Variants in MCC observed in about 807,000 individuals in gnomAD.
MCC encodes colorectal mutant cancer protein.
Under a neutral mutation model 116.2 loss-of-function variants are expected in MCC, and 90 were observed. The ratio of observed to expected loss-of-function variants is 0.77; its 90% CI spans 0.65 to 0.92. The LOEUF is 0.92. Ranked by LOEUF, MCC falls within the 40% of genes least tolerant of loss-of-function variation. The probability of loss-of-function intolerance (pLI) is 0.00; values close to 1 mark genes in which losing one functional copy is unlikely to be tolerated. For missense variants in MCC, 1,516 were observed against 1,312.2 expected (o/e 1.16, Z -2.40); for synonymous variants, 578 against 510.5 (o/e 1.13, Z -1.78).
At chr5:113,332,414 A>G (rs1297161543) in intron 3 of MCC, among the ~76,000 whole-genome samples, 1 of 151,454 alleles carries the variant, frequency 6.6e-6, no homozygotes, top group Non-Finnish European at 1.5e-5. Context: ...GGTGATTTAA[A>G]GAAGGATAGA....
intron 15 of MCC, among the ~76,000 whole-genome samples, chr5:113,052,250 A>G (rs1257855338): frequency 6.6e-6 from 1 of 152,224 alleles, no homozygotes; most frequent in Non-Finnish European, 1.5e-5. Context: ...TTTGGAACAA[A>G]TGATGGAAGG....
intron 2 of MCC, among the ~76,000 whole-genome samples, chr5:113,363,717 C>G (rs190535455): frequency 5.3e-5 from 8 of 152,302 alleles, no homozygotes; most frequent in Admixed American, 3.3e-4. Flanking sequence ...AATCTCATGT[C>G]CTTCTCACAT....
rs1580965475 is a variant in MCC, at chr5:113,064,048, C to A, written c.2149G>T (p.Ala717Ser). 6.2e-7 allele frequency: 1 copy of A among 1,614,204 alleles called. No homozygotes were observed. The highest frequency in any genetic ancestry group is 2.2e-5 in the East Asian group (1 of 44,888). Residue 717 changes from alanine (A) to serine (S), a missense_variant, in exon 14 of 19, where the codon GCC becomes TCC. By Grantham distance (99) the Ala-to-Ser change is moderately conservative. Transcript: ENST00000408903. The part of the protein sequence containing the change: ...LMKLDGSCGG[A>S]FAVAGCSVQP... ...ACGCTGCAGCCGGCCACGGCAAAGG[C>A]TCCCCCACAGCTGCCGTCCAGCTTC... is the stretch of plus-strand genomic sequence containing the variant.
chr5:113,380,676 T>C (rs1375430932), intron 2 of MCC, among the ~76,000 whole-genome samples: 2 of 152,224 alleles, frequency 1.3e-5, no homozygotes, highest in Non-Finnish European at 1.5e-5. Context: ...AGGAGGTACA[T>C]AACTCATGTC....
intron 5 of MCC, among the ~76,000 whole-genome samples, chr5:113,129,544 G>C (rs1345262103): frequency 1.3e-5 from 2 of 152,138 alleles, no homozygotes; most frequent in Non-Finnish European, 2.9e-5. Flanking sequence ...GCTCTTCCTG[G>C]CTTCCAGATG....
At chr5:113,193,398 A>G (rs147189012) in intron 3 of MCC, among the ~76,000 whole-genome samples, 1 of 152,276 alleles carries the variant, frequency 6.6e-6, no homozygotes, top group Non-Finnish European at 1.5e-5. Flanking sequence ...AGATGTTCTT[A>G]TTATATTAAG....
chr5:113,332,710 T>A lies in MCC; in HGVS notation c.627+7809A>T, dbSNP rs749611847. On this transcript the variant is annotated intron_variant, in intron 3 of 18. Transcript: ENST00000408903. Reference sequence around the variant, plus strand: ...ATAAAATATAACATTTGGGGTTACCTTCCATGCTGGGCAAAAGTAGTTTGT... The same window carrying A: ...ATAAAATATAACATTTGGGGTTACCATCCATGCTGGGCAAAAGTAGTTTGT... Among the ~76,000 whole-genome samples, 6 of 151,762 alleles carry A rather than the reference T, an allele frequency of 4.0e-5. 1 individual carries two copies.
At chr5:113,063,943 G>T in intron 14 of MCC, 41 bp downstream of exon 14, 1 of 1,574,864 alleles carries the variant, frequency 6.3e-7, no homozygotes, top group Non-Finnish European at 8.6e-7. Context: ...CAGATGCCAT[G>T]TGGACACACG....
intron 2 of MCC, among the ~76,000 whole-genome samples, chr5:113,379,404 A>T (rs979762912): frequency 1.3e-4 from 20 of 152,228 alleles, no homozygotes; most frequent in Non-Finnish European, 5.9e-5. Flanking sequence ...AGCTCTATGT[A>T]GGAACTTTAC....
At chr5:113,487,535 C>T (rs1045087934) in intron 1 of MCC, among the ~76,000 whole-genome samples, 11 of 152,210 alleles carry the variant, frequency 7.2e-5, no homozygotes, top group African/African-American at 7.2e-5. Context: ...AAGCAAACAC[C>T]CCAAAGTTTG....
intron 3 of MCC, among the ~76,000 whole-genome samples, chr5:113,220,247 G>C (rs1049582167): frequency 1.3e-5 from 2 of 150,832 alleles, no homozygotes; most frequent in African/African-American, 4.8e-5. Context: ...TTTTAGTAGA[G>C]ACAGGGTTTC....
At chr5:113,358,901 T>A (rs865877746) in intron 2 of MCC, among the ~76,000 whole-genome samples, 1 of 152,196 alleles carries the variant, frequency 6.6e-6, no homozygotes. Flanking sequence ...TGAGGGCCCC[T>A]AGCATCGTCC....
chr5:113,282,186 G>A (rs13164135), intron 3 of MCC, among the ~76,000 whole-genome samples: 22,843 of 152,134 alleles, frequency 0.15, 1,758 homozygotes, highest in Non-Finnish European at 0.17. Context: ...GAAGTGACTT[G>A]ACCCAGTGAA....
In MCC at chr5:113,027,365, C is replaced by T. The variant is rs1750622941; in HGVS notation, c.2997G>A (p.Lys999=). 1 of 1,614,190 alleles carries T rather than the reference C, an allele frequency of 6.2e-7. No individual in the cohort carries two copies. The highest frequency in any genetic ancestry group is 8.5e-7 in the Non-Finnish European group (1 of 1,180,036). Residue 999 remains lysine, a synonymous_variant, in exon 19 of 19, where the codon AAG becomes AAA. Coordinates refer to ENST00000408903, the MANE Select transcript of MCC (RefSeq NM_001085377.2). ...ERHETQVRML[K]QRIALLEEEN... is the part of the protein sequence containing the mutation. ...CCTCCTCTAGCAGAGCTATTCTTTG[C>T]TTGAGCATCCTCACTTGGGTCTCAT...
intron 1 of MCC, among the ~76,000 whole-genome samples, chr5:113,403,017 T>C (rs1303721742): frequency 9.9e-5 from 15 of 152,138 alleles, no homozygotes; most frequent in Admixed American, 9.8e-4. Flanking sequence ...TTGAACACTT[T>C]TATGCTTTCA....
intron 3 of MCC, among the ~76,000 whole-genome samples, chr5:113,225,936 G>A (rs1409786319): frequency 6.6e-6 from 1 of 152,244 alleles, no homozygotes; most frequent in African/African-American, 2.4e-5. Flanking sequence ...ACTTTGGAAG[G>A]CCAAGGCAGG....
At chr5:113,311,128 C>G (rs1031697714) in intron 3 of MCC, among the ~76,000 whole-genome samples, 1 of 152,144 alleles carries the variant, frequency 6.6e-6, no homozygotes, top group Admixed American at 6.5e-5. Context: ...AGACCTGTCT[C>G]TTAAAAATTA....
chr5:113,082,088 C>T (rs1010570501), intron 11 of MCC, among the ~76,000 whole-genome samples: 3 of 152,254 alleles, frequency 2.0e-5, no homozygotes, highest in African/African-American at 4.8e-5. Context: ...TGGTCATTCT[C>T]CTTTGCTTTG....
At chr5:113,032,174 G>A (rs1224039798) in intron 17 of MCC, among the ~76,000 whole-genome samples, 1 of 152,212 alleles carries the variant, frequency 6.6e-6, no homozygotes, top group Non-Finnish European at 1.5e-5. Context: ...ACTTTGGTAG[G>A]CCGGGGCTGG....
Sources: gnomAD v4.1 joint callset for allele counts (sites outside exome capture counted in the v4.1 genomes callset) on GRCh38, gnomAD v4.1.1 for gene constraint, MANE v1.5 for transcripts, NCBI Gene and HGNC (gene_info 2026-07-23, HGNC 2026-07-21) for gene names.